UGT1A9: variants seen among roughly 807,000 people sequenced by gnomAD.
The protein encoded by UGT1A9 is UDP-glucuronosyltransferase 1A9.
A neutral mutation model predicts 45.0 loss-of-function variants in UGT1A9; 35 were observed. The ratio of observed to expected loss-of-function variants is 0.78; its 90% CI spans 0.59 to 1.03. The LOEUF (loss-of-function observed/expected upper bound fraction) is 1.03, where lower values mean the gene tolerates loss of function less well. Ranked by LOEUF, UGT1A9 falls within the 50% of genes least tolerant of loss-of-function variation. The pLI is 0.00. For synonymous variants in UGT1A9, 278 were observed against 250.6 expected (o/e 1.11, Z -1.03); for missense variants, 687 against 666.6 (o/e 1.03, Z -0.34).
chr2:233,760,680 G>A, intron 1 of UGT1A9: 1 of 1,614,136 alleles, frequency 6.2e-7, no homozygotes, highest in Non-Finnish European at 8.5e-7. Flanking sequence ...CCCACTTACT[G>A]CACAACAAGG....
intron 1 of UGT1A9, among the ~76,000 whole-genome samples, chr2:233,728,134 C>T (rs1335852512): frequency 1.3e-5 from 2 of 152,184 alleles, no homozygotes; most frequent in Non-Finnish European, 2.9e-5. Flanking sequence ...GACTAGGGCC[C>T]CCACAAATTG....
intron 1 of UGT1A9, among the ~76,000 whole-genome samples, chr2:233,694,872 C>G (rs2075245016): frequency 6.6e-6 from 1 of 152,168 alleles, no homozygotes; most frequent in Non-Finnish European, 1.5e-5. Context: ...TATAGTTGTA[C>G]ACATTTGGGG....
chr2:233,768,039 G>A, intron 3 of UGT1A9, 103 bp downstream of exon 3: 1 of 1,610,920 alleles, frequency 6.2e-7, no homozygotes, highest in Non-Finnish European at 8.5e-7. Context: ...AAATATTATG[G>A]CCAACATATC....
intron 1 of UGT1A9, among the ~76,000 whole-genome samples, chr2:233,696,359 A>C (rs1559348526): frequency 6.6e-6 from 1 of 152,044 alleles, no homozygotes; most frequent in Non-Finnish European, 1.5e-5. Flanking sequence ...CCTTCCTTAA[A>C]TTTATTCCTA....
At chr2:233,690,659 A>C (rs2075001843) in intron 1 of UGT1A9, 1 of 1,280,562 alleles carries the variant, frequency 7.8e-7, no homozygotes, top group Non-Finnish European at 1.0e-6. Flanking sequence ...CTACAGCACC[A>C]ACCAGGGCAG....
intron 1 of UGT1A9, among the ~76,000 whole-genome samples, chr2:233,701,932 G>T (rs536238836): frequency 2.6e-5 from 4 of 151,994 alleles, no homozygotes; most frequent in African/African-American, 9.7e-5. Flanking sequence ...ACAATTAAAA[G>T]AACTAGAAAA....
At position 233,772,651 on chromosome 2, in the gene UGT1A9, T is replaced by C. The variant is rs1700540535; in HGVS notation, c.*92T>C. 1.3e-6 allele frequency: 2 copies of C among 1,547,716 alleles called. No individual in the cohort carries two copies. Among genetic ancestry groups the C allele is most frequent in the Non-Finnish European group, 1.7e-6 (2 of 1,146,578 alleles). ...ATCAGTGTTAAATTCATTTTATTCT[T>C]ATTAAGGAAATACTTTGCATAAATT... On this transcript the variant is annotated 3_prime_UTR_variant, in exon 5 of 5. Transcript: ENST00000354728.
intron 1 of UGT1A9, among the ~76,000 whole-genome samples, chr2:233,702,352 T>C (rs891619991): frequency 3.9e-5 from 6 of 152,206 alleles, no homozygotes; most frequent in African/African-American, 1.2e-4. Flanking sequence ...TCTAATAGTT[T>C]TTTTTTAGTG....
chr2:233,745,788 G>T (rs1003270220), intron 1 of UGT1A9, among the ~76,000 whole-genome samples: 2 of 150,764 alleles, frequency 1.3e-5, no homozygotes, highest in African/African-American at 4.9e-5. Flanking sequence ...AGACAGGGGG[G>T]CTGGGGTCTA....
chr2:233,738,082 A>G (rs1218405907), intron 1 of UGT1A9, among the ~76,000 whole-genome samples: 11 of 152,110 alleles, frequency 7.2e-5, no homozygotes, highest in African/African-American at 2.4e-4. Flanking sequence ...TCCTAATCTC[A>G]TCATAGTGAG....
intron 1 of UGT1A9, chr2:233,743,987 G>A (rs576123874): frequency 1.6e-6 from 2 of 1,278,832 alleles, no homozygotes; most frequent in East Asian, 4.9e-5. Flanking sequence ...CCAGGCGCAG[G>A]CCCGAGTGCT....
intron 1 of UGT1A9, among the ~76,000 whole-genome samples, chr2:233,739,420 AG>A (rs1432310727): frequency 3.3e-5 from 5 of 152,220 alleles, no homozygotes; most frequent in African/African-American, 1.2e-4. Flanking sequence ...GAAAGCAGCC[AG>A]GACGAGGGCT....
At chr2:233,674,272 T>C (rs1239856591) in intron 1 of UGT1A9, among the ~76,000 whole-genome samples, 1 of 152,212 alleles carries the variant, frequency 6.6e-6, no homozygotes, top group Non-Finnish European at 1.5e-5. Flanking sequence ...ACTACAGTTG[T>C]AGGCCTTTCA....
chr2:233,697,864 A>G (rs2075414093), intron 1 of UGT1A9, among the ~76,000 whole-genome samples: 1 of 152,172 alleles, frequency 6.6e-6, no homozygotes, highest in Admixed American at 6.5e-5. Flanking sequence ...TTATGCATTT[A>G]TTTAATGATT....
At chr2:233,752,552 G>C (rs942776893) in intron 1 of UGT1A9, 3 of 152,120 alleles carry the variant, frequency 2.0e-5, no homozygotes, top group Admixed American at 1.3e-4. Flanking sequence ...GCTCTTGCTG[G>C]GACAACATAG....
In UGT1A9 at chr2:233,672,312, T is replaced by A; in HGVS notation, c.378T>A (p.Ser126Arg). The change falls in exon 1 of 5, where the codon AGT (serine) becomes AGA (arginine). Residue 126 changes from serine (S) to arginine (R), a missense_variant. Ser to Arg is a moderately radical substitution (Grantham distance 110). Coordinates refer to ENST00000354728, the MANE Select transcript of UGT1A9 (RefSeq NM_021027.3). ...ACTTATTTTTTTCAAATTGCAGGAG[T>A]TTGTTTAAAGACAAAAAATTAGTAG... ...IFDLFFSNCR[S>R]LFKDKKLVEY... 6.2e-7 allele frequency: 1 copy of A among 1,613,218 alleles called. No homozygotes were observed. Among genetic ancestry groups the A allele is most frequent in the Non-Finnish European group, 8.5e-7 (1 of 1,179,750 alleles).
At chr2:233,752,219 T>C (rs897315678) in intron 1 of UGT1A9, 28 of 152,194 alleles carry the variant, frequency 1.8e-4, no homozygotes, top group African/African-American at 6.0e-4. Context: ...AGAAAAAATA[T>C]CTGGCATTTT....
At chr2:233,724,636 G>A (rs1302361231) in intron 1 of UGT1A9, among the ~76,000 whole-genome samples, 4 of 141,026 alleles carry the variant, frequency 2.8e-5, no homozygotes, top group Admixed American at 7.0e-5. Flanking sequence ...CTTCCTAGAT[G>A]TGATGGCGGC....
intron 1 of UGT1A9, chr2:233,754,837 T>G (rs1695606156): frequency 1.5e-6 from 2 of 1,344,356 alleles, no homozygotes; most frequent in South Asian, 2.3e-5. Flanking sequence ...GGAAATTCAC[T>G]GAAGGCAGAG....
Sources: allele counts gnomAD v4.1 joint callset (sites outside exome capture counted in the v4.1 genomes callset), GRCh38; gene constraint gnomAD v4.1.1; transcripts MANE v1.5; gene names NCBI Gene and HGNC (gene_info 2026-07-23, HGNC 2026-07-21).